Variants in ABCC6 observed in about 807,000 individuals in gnomAD.
The protein encoded by ABCC6 is ATP binding cassette subfamily C member 6.
In ABCC6, 126 loss-of-function variants were observed where a neutral mutation model predicts 169.5. That is an observed-to-expected ratio of 0.74 (90% CI 0.64 to 0.86). ABCC6 has a LOEUF of 0.86. Ranked by LOEUF, ABCC6 falls within the 40% of genes least tolerant of loss-of-function variation. ABCC6 has a pLI of 0.00. For synonymous variants in ABCC6, 752 were observed against 814.7 expected (o/e 0.92, Z 1.31); for missense variants, 1,733 against 1,927.2 (o/e 0.90, Z 1.89).
chr16:16,157,445 T>G (rs2046585795), intron 27 of ABCC6, among the ~76,000 whole-genome samples: 2 of 152,224 alleles, frequency 1.3e-5, no homozygotes, highest in African/African-American at 4.8e-5. Flanking sequence ...ACGGAGTTGC[T>G]TCCTCATCTG....
intron 15 of ABCC6, chr16:16,184,122 C>T (rs2047567056): frequency 5.9e-6 from 1 of 168,372 alleles, no homozygotes; most frequent in African/African-American, 2.6e-5. Flanking sequence ...TTGCTTGAAT[C>T]CGGAAGGTGG....
intron 20 of ABCC6, among the ~76,000 whole-genome samples, chr16:16,175,082 A>G (rs1172108835): frequency 6.6e-6 from 1 of 151,980 alleles, no homozygotes; most frequent in Non-Finnish European, 1.5e-5. Context: ...CCCAGCCTTA[A>G]TGTGTCTACT....
chr16:16,165,844 C>T lies in ABCC6; in HGVS notation c.3085G>A (p.Val1029Met), dbSNP rs1458521345. ...LLFQRLLWDV[V>M]RSPISFFERT... ...TCAAAGAAGCTGATGGGAGATCGCA[C>T]CACATCCCACAGGAGCCTCTGGAAG... The change falls in exon 23 of 31, where the codon GTG (valine) becomes ATG (methionine). Residue 1029 changes from valine (V) to methionine (M), a missense_variant. By Grantham distance (21) the Val-to-Met change is conservative. This residue lies in a region of ABCC6 where 1,601 missense variants were observed against 1,635.5 expected (regional missense o/e 0.98). Coordinates refer to ENST00000205557, the MANE Select transcript of ABCC6 (RefSeq NM_001171.6). 1.4e-5 allele frequency: 22 copies of T among 1,613,254 alleles called. No homozygotes were observed. Among genetic ancestry groups the T allele is most frequent in the Non-Finnish European group, 1.9e-5 (22 of 1,180,048 alleles).
At chr16:16,217,306 A>C (rs1247858853) in intron 4 of ABCC6, among the ~76,000 whole-genome samples, 1 of 152,046 alleles carries the variant, frequency 6.6e-6, no homozygotes, top group Non-Finnish European at 1.5e-5. Flanking sequence ...GTTTGTTCTG[A>C]ATTTGCCTGA....
intron 16 of ABCC6, 103 bp from the exon 17 acceptor site, chr16:16,182,691 G>T: frequency 6.3e-7 from 1 of 1,592,274 alleles, no homozygotes; most frequent in Middle Eastern, 1.7e-4. Flanking sequence ...GGTGAGAGGT[G>T]GAGAGAATGA....
At chr16:16,160,629 A>C (rs975915353) in intron 25 of ABCC6, among the ~76,000 whole-genome samples, 10 of 3,928 alleles carry the variant, frequency 2.5e-3, no homozygotes, top group South Asian at 0.015. Flanking sequence ...TGTTTCTACC[A>C]AAAAAAAAAA....
intron 2 of ABCC6, chr16:16,221,129 G>A (rs1004883803): frequency 4.7e-6 from 3 of 634,890 alleles, no homozygotes; most frequent in Non-Finnish European, 6.0e-6. Flanking sequence ...GAACTCTGAA[G>A]AACATTCTTT....
At chr16:16,190,458 C>T in intron 11 of ABCC6, 91 bp from the exon 12 acceptor site, 1 of 1,440,686 alleles carries the variant, frequency 6.9e-7, no homozygotes, top group Non-Finnish European at 9.6e-7. Flanking sequence ...AAATCCCATT[C>T]ATCTCACCAA....
At chr16:16,179,136 A>C (rs942190086) in intron 17 of ABCC6, among the ~76,000 whole-genome samples, 171 bp from the exon 18 acceptor site, 2 of 152,024 alleles carry the variant, frequency 1.3e-5, no homozygotes, top group East Asian at 3.9e-4. Context: ...CAAGCCAACA[A>C]TGCCTCCATC....
In ABCC6 at chr16:16,154,973, C is replaced by CG; in HGVS notation, c.3940dup (p.Arg1314ProfsTer7). 1 of 1,577,400 alleles carries CG rather than the reference C, an allele frequency of 6.3e-7. No homozygotes were observed. The highest frequency in any genetic ancestry group is 8.6e-7 in the Non-Finnish European group (1 of 1,161,894). ...CCCACCCTCAGCTGCCTCCTGGAGCCGCAGCAGCCCACTGGCCAGGGAGGA... is the reference window on the plus strand; with the variant it reads ...CCCACCCTCAGCTGCCTCCTGGAGCCGGCAGCAGCCCACTGGCCAGGGAGGA... On this transcript the variant is annotated frameshift_variant, in exon 28 of 31. Transcript: ENST00000205557. LOFTEE classifies it high-confidence loss of function.
At chr16:16,171,184 C>G (rs987818512) in intron 21 of ABCC6, among the ~76,000 whole-genome samples, 2 of 151,868 alleles carry the variant, frequency 1.3e-5, no homozygotes, top group Admixed American at 6.6e-5. Flanking sequence ...CCTGTCCATA[C>G]CAACCATGGT....
intron 17 of ABCC6, among the ~76,000 whole-genome samples, chr16:16,181,344 G>GAA (rs749040729): frequency 5.1e-5 from 4 of 78,426 alleles, no homozygotes; most frequent in African/African-American, 1.9e-4. Flanking sequence ...CTCCGTCTCA[G>GAA]AAAAAAAAAA....
At chr16:16,174,698 A>G (rs898558026) in intron 20 of ABCC6, among the ~76,000 whole-genome samples, 23 of 142,696 alleles carry the variant, frequency 1.6e-4, no homozygotes, top group Admixed American at 7.3e-4. Flanking sequence ...CGGGGATTGC[A>G]GTGAGCCGAG....
intron 21 of ABCC6, among the ~76,000 whole-genome samples, chr16:16,171,199 T>G (rs967737838): frequency 6.6e-5 from 10 of 151,926 alleles, no homozygotes; most frequent in African/African-American, 1.2e-4. Flanking sequence ...CATGGTAGGG[T>G]TTCTCAGTGG....
chr16:16,169,516 C>G (rs957761015), intron 22 of ABCC6, 130 bp downstream of exon 22: 2 of 1,082,634 alleles, frequency 1.8e-6, no homozygotes, highest in African/African-American at 3.1e-5. Context: ...AGATCTTTGC[C>G]TGGACCCCAG....
intron 15 of ABCC6, among the ~76,000 whole-genome samples, chr16:16,183,786 C>T (rs1008247391): frequency 2.0e-5 from 3 of 152,098 alleles, no homozygotes; most frequent in South Asian, 4.2e-4. Flanking sequence ...ACAATGCACA[C>T]GACAGCCCCC....
At chr16:16,153,407 A>G (rs1264191846) in intron 29 of ABCC6, among the ~76,000 whole-genome samples, 1 of 152,182 alleles carries the variant, frequency 6.6e-6, no homozygotes, top group Non-Finnish European at 1.5e-5. Context: ...TGACCCTTGA[A>G]GACATCATGC....
At chr16:16,168,650 C>T (rs1337573095) in intron 22 of ABCC6, among the ~76,000 whole-genome samples, 3 of 152,134 alleles carry the variant, frequency 2.0e-5, no homozygotes, top group Admixed American at 6.6e-5. Context: ...AACACGAGAG[C>T]GCCTCGTGGT....
intron 12 of ABCC6, among the ~76,000 whole-genome samples, chr16:16,189,934 T>G (rs1204019111): frequency 6.6e-6 from 1 of 152,098 alleles, no homozygotes; most frequent in African/African-American, 2.4e-5. Flanking sequence ...AGCCTGGAAC[T>G]CTCTCTGAGA....
Sources: gnomAD v4.1 joint callset for allele counts (sites outside exome capture counted in the v4.1 genomes callset) on GRCh38, gnomAD v4.1.1 for gene constraint, gnomAD v4.1.1 regional missense constraint, MANE v1.5 for transcripts, NCBI Gene and HGNC (gene_info 2026-07-23, HGNC 2026-07-21) for gene names.